Variants in CRYL1 observed in about 807,000 individuals in gnomAD.
CRYL1 encodes the protein lambda-crystallin homolog.
In CRYL1, 29 loss-of-function variants were observed where a neutral mutation model predicts 36.6. The ratio of observed to expected loss-of-function variants is 0.79; its 90% CI spans 0.59 to 1.08. The LOEUF (loss-of-function observed/expected upper bound fraction) is 1.08, where lower values mean the gene tolerates loss of function less well. Among genes scored for constraint, CRYL1 ranks in the 50% least tolerant of loss-of-function variants. CRYL1 has a pLI of 0.00. For synonymous variants in CRYL1, 152 were observed against 151.5 expected, an observed-to-expected ratio of 1.00 and a Z score of -0.02; for missense variants, 411 against 407.9, an observed-to-expected ratio of 1.01 and a Z score of -0.06.
rs375160199 is a variant in CRYL1 at position 20,489,334 on chromosome 13, G to T, written c.276+36C>A. On this transcript the variant is annotated intron_variant, in intron 3 of 7. Coordinates refer to ENST00000298248, the MANE Select transcript of CRYL1 (RefSeq NM_015974.3). ...GGAGAGGCTGGGAGACAATGTCTCA[G>T]GCCCCACAGATGCGGCGCCAGTGTC... is the stretch of plus-strand genomic sequence containing the variant. The T allele has an allele frequency of 3.7e-6, 6 of 1,610,280 alleles. No individual in the cohort carries two copies. The African/African-American group carries it at 8.0e-5, about 22-fold the overall frequency.
At position 20,435,798 on chromosome 13, in the gene CRYL1, A is replaced by G. The variant is rs1044484346; in HGVS notation, c.439-3502T>C. On this transcript the variant is annotated intron_variant, in intron 4 of 7. Coordinates refer to ENST00000298248, the MANE Select transcript of CRYL1 (RefSeq NM_015974.3). This position sits in a 1 kb window ranked among gnomAD's most constrained non-coding sequence, Gnocchi z 4.0. ...GCCGACAGCGCGGCTGCCCACAGAG[A>G]CTCCCTTCACCCCCGCTCCGGGAGC... 6.6e-6 allele frequency among the ~76,000 whole-genome samples: 1 copy of G among 151,556 alleles called. No homozygotes were observed. The highest frequency in any genetic ancestry group is 2.4e-5 in the African/African-American group (1 of 41,166).
chr13:20,421,021 C>T (rs1459427241), intron 5 of CRYL1, among the ~76,000 whole-genome samples: 1 of 151,292 alleles, frequency 6.6e-6, no homozygotes, highest in Non-Finnish European at 1.5e-5. Flanking sequence ...GCGTGAGCCA[C>T]TGCGCCCAGC....
At chr13:20,482,161 C>G (rs568209262) in intron 3 of CRYL1, among the ~76,000 whole-genome samples, 9 of 152,212 alleles carry the variant, frequency 5.9e-5, no homozygotes, top group African/African-American at 1.9e-4. Context: ...CTGACAGTGT[C>G]TGAAGGTCCT....
At chr13:20,483,871 C>T (rs2033335428) in intron 3 of CRYL1, among the ~76,000 whole-genome samples, 1 of 152,152 alleles carries the variant, frequency 6.6e-6, no homozygotes, top group African/African-American at 2.4e-5. Flanking sequence ...GGCTGGAGTG[C>T]AGTGGCGCGA....
At chr13:20,430,636 C>T (rs2032038299) in intron 5 of CRYL1, 3 of 985,214 alleles carry the variant, frequency 3.0e-6, no homozygotes, top group South Asian at 4.7e-5. Context: ...GTACACCTCC[C>T]ACCCGATCCC....
At chr13:20,518,765 G>A (rs772099152) in intron 1 of CRYL1, among the ~76,000 whole-genome samples, 2 of 152,168 alleles carry the variant, frequency 1.3e-5, no homozygotes, top group African/African-American at 2.4e-5. Context: ...GGAGGCAGAG[G>A]GGGTGCTGGA....
intron 5 of CRYL1, among the ~76,000 whole-genome samples, chr13:20,419,991 C>G (rs2137374334): frequency 6.6e-6 from 1 of 152,370 alleles, no homozygotes; most frequent in African/African-American, 2.4e-5. Flanking sequence ...TAAAAGACTG[C>G]TAAGTGCTGC....
chr13:20,445,951 C>T (rs1191587543), intron 3 of CRYL1, among the ~76,000 whole-genome samples: 2 of 152,180 alleles, frequency 1.3e-5, no homozygotes, highest in African/African-American at 4.8e-5. Context: ...AGATCTTTAC[C>T]TAGCCAAGAA....
At position 20,431,303 on chromosome 13, in the gene CRYL1, C is replaced by T. The variant is rs963778506; in HGVS notation, c.633+799G>A. 3.1e-5 allele frequency: 31 copies of T among 985,332 alleles called. No individual in the cohort carries two copies. The African/African-American group carries it at 4.9e-4, about 16-fold the overall frequency. The allele number at this position is 985,332 out of a possible 1,614,324, so 61.0% of individuals were successfully genotyped here. A position where few individuals can be genotyped will look rare whatever the true frequency, so the allele number is the denominator to read the frequency against. On this transcript the variant is annotated intron_variant, in intron 5 of 7. Transcript: ENST00000298248. ...GTGCAGATGACTCGAGCCCGAGCAG[C>T]GTCCTCCCTACGCGGTGCAGCTGGG...
intron 3 of CRYL1, among the ~76,000 whole-genome samples, chr13:20,471,462 G>A (rs748511072): frequency 8.6e-5 from 13 of 151,954 alleles, no homozygotes; most frequent in Admixed American, 5.2e-4. Flanking sequence ...AAAATTAGCC[G>A]GGTGTGGTGG....
At chr13:20,485,453 A>T (rs2033376870) in intron 3 of CRYL1, among the ~76,000 whole-genome samples, 1 of 151,836 alleles carries the variant, frequency 6.6e-6, no homozygotes, top group South Asian at 2.1e-4. Context: ...ACTTGAGGTC[A>T]GGAGTTAGAG....
intron 1 of CRYL1, among the ~76,000 whole-genome samples, chr13:20,522,742 T>C (rs914504553): frequency 2.6e-5 from 4 of 152,082 alleles, no homozygotes; most frequent in Admixed American, 6.6e-5. Flanking sequence ...TGTGTTCCTA[T>C]TCTAAACAAG....
At chr13:20,430,918 T>A in intron 5 of CRYL1, 1 of 985,402 alleles carries the variant, frequency 1.0e-6, no homozygotes, top group Non-Finnish European at 1.2e-6. Context: ...TGACTGATAT[T>A]CAAGAAATTA....
chr13:20,410,711 A>G (rs1452954871), intron 6 of CRYL1, among the ~76,000 whole-genome samples: 1 of 152,230 alleles, frequency 6.6e-6, no homozygotes, highest in Non-Finnish European at 1.5e-5. Context: ...TATATTAAGG[A>G]CTTAACAGGT....
intron 3 of CRYL1, among the ~76,000 whole-genome samples, chr13:20,441,638 G>C (rs534972734): frequency 3.3e-5 from 5 of 152,312 alleles, no homozygotes; most frequent in African/African-American, 9.6e-5. Context: ...ATGTGCAAAT[G>C]TGAAATTCAA....
chr13:20,498,473 CGT>C (rs775281501), intron 2 of CRYL1, among the ~76,000 whole-genome samples: 4 of 152,100 alleles, frequency 2.6e-5, no homozygotes, highest in Non-Finnish European at 5.9e-5. Flanking sequence ...TGTCTAGGCC[CGT>C]GTGTCGGAAT....
At chr13:20,475,011 A>G (rs1429202044) in intron 3 of CRYL1, among the ~76,000 whole-genome samples, 1 of 152,164 alleles carries the variant, frequency 6.6e-6, no homozygotes, top group Non-Finnish European at 1.5e-5. Context: ...ACCCGTGCGC[A>G]GCCTCCTTCA....
intron 3 of CRYL1, among the ~76,000 whole-genome samples, chr13:20,470,916 AAAAAAAAAAAC>A (rs1228397992): frequency 6.7e-6 from 1 of 150,320 alleles, no homozygotes; most frequent in African/African-American, 2.5e-5. Flanking sequence ...ATCTCAAAAA[AAAAAAAAAAAC>A]AAAAAAAAAA....
intron 2 of CRYL1, among the ~76,000 whole-genome samples, chr13:20,489,896 C>T (rs1565981286): frequency 1.3e-5 from 2 of 152,166 alleles, no homozygotes; most frequent in South Asian, 4.1e-4. Context: ...GCAACCTAAG[C>T]ATCCATCAAT....
Sources: gnomAD v4.1 joint callset for allele counts (sites outside exome capture counted in the v4.1 genomes callset) on GRCh38, gnomAD v4.1.1 for gene constraint, Gnocchi (gnomAD v3.1) non-coding constraint, MANE v1.5 for transcripts, NCBI Gene and HGNC (gene_info 2026-07-23, HGNC 2026-07-21) for gene names.